TENM3: variants seen among roughly 807,000 people sequenced by gnomAD.
TENM3 encodes teneurin-3.
In TENM3, 63 loss-of-function variants were observed where a neutral mutation model predicts 255.1. The ratio of observed to expected loss-of-function variants is 0.25; its 90% CI spans 0.20 to 0.30. The LOEUF (loss-of-function observed/expected upper bound fraction) is 0.30. TENM3 is among the 10% of genes least tolerant of loss of function. The probability of loss-of-function intolerance (pLI) is 1.00; values close to 1 mark genes in which losing one functional copy is unlikely to be tolerated. For missense variants in TENM3, 2,929 were observed against 3,461.1 expected, an observed-to-expected ratio of 0.85 and a Z score of 3.86; for synonymous variants, 1,306 against 1,322.3, an observed-to-expected ratio of 0.99 and a Z score of 0.27.
At chr4:182,686,924 G>T (rs1756622435) in intron 11 of TENM3, among the ~76,000 whole-genome samples, 1 of 152,080 alleles carries the variant, frequency 6.6e-6, no homozygotes, top group Non-Finnish European at 1.5e-5. Flanking sequence ...ATTCAAAGGA[G>T]ATAGAAAATA....
At chr4:181,459,633 G>A in the TENM3 span, among the ~76,000 whole-genome samples, 359 of 151,912 alleles carry the variant, frequency 2.4e-3, 9 homozygotes, top group Middle Eastern at 0.014. Context: ...ATCAGGAATT[G>A]ACCACATAAG....
intron 1 of TENM3, among the ~76,000 whole-genome samples, chr4:182,215,713 TCA>T (rs967645664): frequency 5.9e-5 from 9 of 152,174 alleles, no homozygotes; most frequent in Non-Finnish European, 1.5e-5. Flanking sequence ...ATATTGTTGT[TCA>T]CACACGGGTC....
At chr4:182,167,832 T>C (rs1751823953) in intron 1 of TENM3, among the ~76,000 whole-genome samples, 2 of 152,224 alleles carry the variant, frequency 1.3e-5, no homozygotes, top group South Asian at 4.1e-4. Flanking sequence ...TGCAGTGAGC[T>C]GAGATCATGC....
At chr4:182,659,798 C>G (rs1311791371) in intron 6 of TENM3, among the ~76,000 whole-genome samples, 1 of 152,216 alleles carries the variant, frequency 6.6e-6, no homozygotes, top group Non-Finnish European at 1.5e-5. Context: ...GACCTAGATT[C>G]TAGTCAGAAG....
chr4:182,534,749 A>G (rs1252891628), intron 3 of TENM3, among the ~76,000 whole-genome samples: 1 of 152,236 alleles, frequency 6.6e-6, no homozygotes, highest in Non-Finnish European at 1.5e-5. Flanking sequence ...ACTTGCAGAG[A>G]TATTGAACAA....
At chr4:181,955,519 GCAATAGAATTA>G in the TENM3 span, among the ~76,000 whole-genome samples, 1 of 152,172 alleles carries the variant, frequency 6.6e-6, no homozygotes, top group Non-Finnish European at 1.5e-5. Flanking sequence ...GAGAGCCCCT[GCAATAGAATTA>G]CTAGAGGTGC....
the TENM3 span, among the ~76,000 whole-genome samples, chr4:182,096,320 T>C: frequency 1.3e-5 from 2 of 152,194 alleles, no homozygotes; most frequent in African/African-American, 4.8e-5. Context: ...AAAATGTGTT[T>C]AAATCCATGG....
chr4:182,800,159 G>A lies in TENM3; in HGVS notation c.7908G>A (p.Glu2636=). 6.8e-7 allele frequency: 1 copy of A among 1,464,964 alleles called. No homozygotes were observed. The highest frequency in any genetic ancestry group is 8.9e-7 in the Non-Finnish European group (1 of 1,118,384). 90.7% of individuals were successfully genotyped at this position (1,464,964 alleles called of 1,614,324 possible). A position where few individuals can be genotyped will look rare whatever the true frequency, so the allele number is the denominator to read the frequency against. The part of the protein sequence containing the change: ...QRALARAWAR[E]QQRVRDGEEG... ...CGCTCGCCCGGGCCTGGGCGCGCGA[G>A]CAGCAGCGCGTGCGCGACGGCGAGG... Residue 2636 remains glutamate, a synonymous_variant, in exon 28 of 28, where the codon GAG becomes GAA. Coordinates refer to ENST00000511685, the MANE Select transcript of TENM3 (RefSeq NM_001080477.4).
intron 12 of TENM3, among the ~76,000 whole-genome samples, chr4:182,712,436 A>C (rs6826729): frequency 0.94 from 134,347 of 142,216 alleles, 63,261 homozygotes; most frequent in East Asian, 0.99. Flanking sequence ...TCATTAAAAA[A>C]AAAAAAAAAA....
At chr4:181,789,102 C>A in the TENM3 span, among the ~76,000 whole-genome samples, 3 of 152,018 alleles carry the variant, frequency 2.0e-5, no homozygotes, top group Non-Finnish European at 4.4e-5. Context: ...ACTAAGACGG[C>A]GATTAATATG....
At chr4:182,761,979 A>G (rs1211251380) in intron 22 of TENM3, among the ~76,000 whole-genome samples, 1 of 152,230 alleles carries the variant, frequency 6.6e-6, no homozygotes, top group Non-Finnish European at 1.5e-5. Context: ...CTATGAAGGC[A>G]ATACTTTTAT....
the TENM3 span, among the ~76,000 whole-genome samples, chr4:181,861,531 T>A: frequency 1.3e-5 from 2 of 152,138 alleles, no homozygotes; most frequent in African/African-American, 4.8e-5. Flanking sequence ...TTTCAACCAC[T>A]GCCTATTTGT....
the TENM3 span, among the ~76,000 whole-genome samples, chr4:181,542,895 T>C: frequency 2.0e-5 from 3 of 152,210 alleles, no homozygotes; most frequent in Admixed American, 6.5e-5. Context: ...TTCCCAATCA[T>C]TGAAGCCCAT....
the TENM3 span, among the ~76,000 whole-genome samples, chr4:181,759,097 C>T: frequency 7.1e-3 from 1,074 of 152,188 alleles, 19 homozygotes; most frequent in Middle Eastern, 0.034. Context: ...AGTTGCCTCA[C>T]ATAATTTTCC....
the TENM3 span, among the ~76,000 whole-genome samples, chr4:181,649,244 G>A: frequency 2.0e-5 from 3 of 152,186 alleles, no homozygotes; most frequent in Admixed American, 2.0e-4. Flanking sequence ...TGCCAGAGCG[G>A]AGCCTCTTTT....
the TENM3 span, among the ~76,000 whole-genome samples, chr4:181,644,192 A>T: frequency 3.3e-5 from 5 of 152,052 alleles, no homozygotes; most frequent in Admixed American, 2.0e-4. Context: ...TAAAAGAGAC[A>T]TTTCCTACAT....
intron 22 of TENM3, among the ~76,000 whole-genome samples, chr4:182,755,648 A>C (rs530969312): frequency 5.1e-4 from 77 of 152,164 alleles, no homozygotes; most frequent in Non-Finnish European, 7.2e-4. Flanking sequence ...ACCATCCTGG[A>C]TAACACGGTG....
chr4:182,064,507 C>T, the TENM3 span, among the ~76,000 whole-genome samples: 707 of 151,986 alleles, frequency 4.7e-3, 6 homozygotes, highest in African/African-American at 0.017. Flanking sequence ...GGCGTGAACC[C>T]GGGAGGCGGA....
At chr4:182,388,058 G>T (rs17073223) in intron 3 of TENM3, among the ~76,000 whole-genome samples, 16,456 of 151,916 alleles carry the variant, frequency 0.11, 1,207 homozygotes, top group Admixed American at 0.24. Context: ...ATGGAGACTC[G>T]CACTTTCGCA....
Sources: gnomAD v4.1 joint callset for allele counts (sites outside exome capture counted in the v4.1 genomes callset) on GRCh38, gnomAD v4.1.1 for gene constraint, MANE v1.5 for transcripts, NCBI Gene and HGNC (gene_info 2026-07-23, HGNC 2026-07-21) for gene names.